The following UBR3 variants were observed in gnomAD, a reference collection of about 807,000 sequenced individuals.
The protein encoded by UBR3 is E3 ubiquitin-protein ligase UBR3.
Under a neutral mutation model 243.2 loss-of-function variants are expected in UBR3, and 85 were observed. The ratio of observed to expected loss-of-function variants is 0.35; its 90% CI spans 0.29 to 0.42. The LOEUF (loss-of-function observed/expected upper bound fraction) is 0.42, where lower values mean the gene tolerates loss of function less well. Among genes scored for constraint, UBR3 ranks in the 10% least tolerant of loss-of-function variants. The pLI is 1.00. For missense variants in UBR3, 1,686 were observed against 2,300.8 expected (o/e 0.73, Z 5.47); for synonymous variants, 748 against 799.8 (o/e 0.94, Z 1.09).
At chr2:170,048,063 T>C (rs1321903905) in intron 32 of UBR3, among the ~76,000 whole-genome samples, 1 of 152,196 alleles carries the variant, frequency 6.6e-6, no homozygotes, top group African/African-American at 2.4e-5. Flanking sequence ...TTGTTTCTTG[T>C]TTTCTAGAGC....
chr2:170,076,720 A>T (rs1406435135), intron 36 of UBR3, among the ~76,000 whole-genome samples: 1 of 152,206 alleles, frequency 6.6e-6, no homozygotes, highest in Non-Finnish European at 1.5e-5. Context: ...ACCTCAACGG[A>T]TGATTGGATT....
At chr2:169,858,589 A>G (rs2082972681) in intron 1 of UBR3, among the ~76,000 whole-genome samples, 1 of 151,682 alleles carries the variant, frequency 6.6e-6, no homozygotes, top group South Asian at 2.1e-4. Context: ...TACTTTATTT[A>G]TTTATTTGAA....
At chr2:169,918,987 T>C (rs139866051) in intron 11 of UBR3, among the ~76,000 whole-genome samples, 175 of 152,332 alleles carry the variant, frequency 1.1e-3, no homozygotes, top group Middle Eastern at 3.4e-3. Flanking sequence ...GAGCACCTGA[T>C]TTAGCCTGAA....
At chr2:169,919,450 A>C (rs576126126) in intron 11 of UBR3, among the ~76,000 whole-genome samples, 1 of 152,218 alleles carries the variant, frequency 6.6e-6, no homozygotes, top group Non-Finnish European at 1.5e-5. Flanking sequence ...ACAAAAGCCA[A>C]AATTGACAAA....
At chr2:170,033,487 T>G (rs7349241) in intron 31 of UBR3, among the ~76,000 whole-genome samples, 41,738 of 150,710 alleles carry the variant, frequency 0.28, 6,002 homozygotes, top group East Asian at 0.42. Flanking sequence ...TCTCTCTGAT[T>G]CCAGAGCCTA....
chr2:169,895,342 T>C, intron 7 of UBR3, 31 bp downstream of exon 7: 1 of 1,516,532 alleles, frequency 6.6e-7, no homozygotes, highest in African/African-American at 1.4e-5. Context: ...TTTTCTGAAC[T>C]TAGCTTTTCT....
At position 169,916,021 on chromosome 2, in the gene UBR3, A is replaced by G. The variant is rs919282601; in HGVS notation, c.1866+1875A>G. Among the ~76,000 whole-genome samples the G allele has an allele frequency of 2.6e-5, 4 of 152,136 alleles. No individual in the cohort carries two copies. The East Asian group carries it at 5.8e-4, about 22-fold the overall frequency. On this transcript the variant is annotated intron_variant, in intron 11 of 38. Coordinates refer to ENST00000272793, the MANE Select transcript of UBR3 (RefSeq NM_172070.4). ...GTTTCCCCACCCATTTCTGGAATCA[A>G]TCATTTCTTTATGGATCCCTGGTTA...
intron 11 of UBR3, among the ~76,000 whole-genome samples, chr2:169,923,693 A>G (rs2085793817): frequency 6.6e-6 from 1 of 152,202 alleles, no homozygotes; most frequent in Non-Finnish European, 1.5e-5. Flanking sequence ...GATGCTTCAG[A>G]GGATTCAAAG....
intron 3 of UBR3, 106 bp downstream of exon 3, chr2:169,876,055 G>T: frequency 3.2e-6 from 3 of 943,844 alleles, no homozygotes; most frequent in South Asian, 3.1e-5. Flanking sequence ...TTCATAGAAT[G>T]CTAAAGCTGG....
intron 25 of UBR3, among the ~76,000 whole-genome samples, chr2:169,991,000 G>T (rs1239598548): frequency 6.6e-6 from 1 of 152,068 alleles, no homozygotes; most frequent in Non-Finnish European, 1.5e-5. Flanking sequence ...GACACAATAA[G>T]TTGAAAGTGA....
chr2:170,008,461 A>C (rs554091633), intron 28 of UBR3, among the ~76,000 whole-genome samples: 24 of 152,174 alleles, frequency 1.6e-4, no homozygotes, highest in Non-Finnish European at 2.9e-4. Context: ...TGAAAAATGA[A>C]CTTAAATGAA....
At chr2:170,077,208 A>G (rs985224299) in intron 36 of UBR3, 6 of 694,540 alleles carry the variant, frequency 8.6e-6, no homozygotes, top group Non-Finnish European at 1.6e-5. Context: ...TTCAATAAAT[A>G]TCTATGAAAG....
chr2:170,007,204 T>G lies in UBR3; in HGVS notation c.4230+14T>G. 1 of 1,576,136 alleles carries G rather than the reference T, an allele frequency of 6.3e-7. No homozygotes were observed. Among genetic ancestry groups the G allele is most frequent in the Non-Finnish European group, 8.6e-7 (1 of 1,159,762 alleles). ...GGAGCTTTCCCAGTAAGCATCAGTG[T>G]AAGGCATAAATATCCTGGTTAACTC... On this transcript the variant is annotated intron_variant, in intron 28 of 38. Coordinates refer to ENST00000272793, the MANE Select transcript of UBR3 (RefSeq NM_172070.4).
At chr2:169,870,128 T>A (rs963459734) in intron 1 of UBR3, among the ~76,000 whole-genome samples, 44 of 152,194 alleles carry the variant, frequency 2.9e-4, no homozygotes, top group Non-Finnish European at 2.9e-5. Flanking sequence ...CAGAATATAT[T>A]TCGTATATAG....
At chr2:170,044,635 A>C (rs1420304959) in intron 32 of UBR3, among the ~76,000 whole-genome samples, 1 of 152,214 alleles carries the variant, frequency 6.6e-6, no homozygotes, top group Non-Finnish European at 1.5e-5. Flanking sequence ...TGGCTATATA[A>C]TATAAAGAAG....
chr2:169,951,532 G>A (rs1223559365), intron 23 of UBR3, among the ~76,000 whole-genome samples: 1 of 152,166 alleles, frequency 6.6e-6, no homozygotes, highest in Non-Finnish European at 1.5e-5. Context: ...TAGTGTAACA[G>A]ATACTATCTT....
chr2:169,987,351 CCA>C (rs2089058391), intron 25 of UBR3, among the ~76,000 whole-genome samples: 1 of 148,014 alleles, frequency 6.8e-6, no homozygotes, highest in Admixed American at 6.8e-5. Flanking sequence ...TGAGATTGTA[CCA>C]CTGCACTCCA....
At chr2:169,981,921 C>T (rs1310677703) in intron 24 of UBR3, among the ~76,000 whole-genome samples, 2 of 151,864 alleles carry the variant, frequency 1.3e-5, no homozygotes, top group African/African-American at 2.4e-5. Context: ...ACTGTAAATC[C>T]TTATCAAAAT....
rs565524354 is a variant in UBR3 at position 169,899,891 on chromosome 2, A to G, written c.1465+3156A>G. On this transcript the variant is annotated intron_variant, in intron 8 of 38. Transcript: ENST00000272793. ...TATATGTGCCACATTTTCTTTATCT[A>G]GTCCATCATTGATGGTCATTTGGGT... Among the ~76,000 whole-genome samples, 3 of 151,930 alleles carry G rather than the reference A, an allele frequency of 2.0e-5. No homozygotes were observed. The East Asian group carries it at 5.8e-4, about 29-fold the overall frequency.
Sources: gnomAD v4.1 joint callset for allele counts (sites outside exome capture counted in the v4.1 genomes callset) on GRCh38, gnomAD v4.1.1 for gene constraint, MANE v1.5 for transcripts, NCBI Gene and HGNC (gene_info 2026-07-23, HGNC 2026-07-21) for gene names.